EPHA5: variants seen among roughly 807,000 people sequenced by gnomAD.
EPHA5 encodes ephrin type-A receptor 5.
A neutral mutation model predicts 105.0 loss-of-function variants in EPHA5; 60 were observed. That is an observed-to-expected ratio of 0.57 (90% CI 0.46 to 0.71). The LOEUF is 0.71. Among genes scored for constraint, EPHA5 ranks in the 30% least tolerant of loss-of-function variants. The pLI, the probability that EPHA5 is intolerant of heterozygous loss-of-function variation, is 0.00. For synonymous variants in EPHA5, 513 were observed against 449.1 expected, an observed-to-expected ratio of 1.14 and a Z score of -1.80; for missense variants, 1,218 against 1,274.7, an observed-to-expected ratio of 0.96 and a Z score of 0.68.
intron 6 of EPHA5, among the ~76,000 whole-genome samples, chr4:65,417,340 G>A (rs1013079469): frequency 2.0e-5 from 3 of 152,056 alleles, no homozygotes; most frequent in Non-Finnish European, 4.4e-5. Context: ...AAACCTATCA[G>A]GACCCCTAAC....
intron 2 of EPHA5, among the ~76,000 whole-genome samples, chr4:65,628,570 G>A (rs1245973421): frequency 1.3e-5 from 2 of 151,948 alleles, no homozygotes; most frequent in South Asian, 2.1e-4. Context: ...AAAAATAAAC[G>A]TTATAAGATG....
At chr4:65,344,016 G>A (rs73822115) in intron 14 of EPHA5, among the ~76,000 whole-genome samples, 2,541 of 152,074 alleles carry the variant, frequency 0.017, 73 homozygotes, top group African/African-American at 0.058. Flanking sequence ...AAATCACAAA[G>A]AAAGTACTAT....
intron 3 of EPHA5, among the ~76,000 whole-genome samples, chr4:65,566,459 A>G (rs1739543502): frequency 6.6e-6 from 1 of 151,828 alleles, no homozygotes; most frequent in Non-Finnish European, 1.5e-5. Flanking sequence ...CAAGAAATAA[A>G]CTGTAATGCC....
chr4:65,323,893 T>G lies in EPHA5; in HGVS notation c.*221A>C. ...AGATGATGTCTAACTTCATGTCCCT[T>G]TTAATGCAAGATATGTTTGCTTCAT... is the stretch of plus-strand genomic sequence containing the variant. On this transcript the variant is annotated 3_prime_UTR_variant, in exon 17 of 17. Transcript: ENST00000613740. 2.6e-6 allele frequency: 1 copy of G among 391,378 alleles called. No individual in the cohort carries two copies. Among genetic ancestry groups the G allele is most frequent in the South Asian group, 4.4e-5 (1 of 22,738 alleles). The allele number at this position is 391,378 out of a possible 1,614,324, so 24.2% of individuals were successfully genotyped here.
At chr4:65,518,979 T>A (rs1734393881) in intron 3 of EPHA5, among the ~76,000 whole-genome samples, 1 of 152,044 alleles carries the variant, frequency 6.6e-6, no homozygotes, top group African/African-American at 2.4e-5. Flanking sequence ...GCCAGCATCA[T>A]CCTGATACCA....
chr4:65,543,660 T>C (rs541646494), intron 3 of EPHA5, among the ~76,000 whole-genome samples: 110 of 152,042 alleles, frequency 7.2e-4, no homozygotes, highest in African/African-American at 2.6e-3. Context: ...AAGTAATTTA[T>C]AGATTCAATG....
At chr4:65,408,148 A>G (rs1553910699) in intron 7 of EPHA5, among the ~76,000 whole-genome samples, 1 of 152,146 alleles carries the variant, frequency 6.6e-6, no homozygotes, top group Non-Finnish European at 1.5e-5. Context: ...TAATGATATC[A>G]TTAATTATAT....
chr4:65,609,864 A>T (rs2149455459), intron 2 of EPHA5, among the ~76,000 whole-genome samples: 1 of 152,212 alleles, frequency 6.6e-6, no homozygotes, highest in East Asian at 1.9e-4. Context: ...TAATATGCAA[A>T]CAAAAAAAAC....
At chr4:65,373,528 A>G (rs1718695666) in intron 8 of EPHA5, among the ~76,000 whole-genome samples, 1 of 151,964 alleles carries the variant, frequency 6.6e-6, no homozygotes, top group South Asian at 2.1e-4. Flanking sequence ...AAAGGAAAAT[A>G]TATTTAAAAA....
intron 2 of EPHA5, among the ~76,000 whole-genome samples, chr4:65,637,803 C>A (rs923274644): frequency 6.6e-6 from 1 of 151,658 alleles, no homozygotes; most frequent in African/African-American, 2.4e-5. Context: ...AGTTATCCTT[C>A]CAATAAATAT....
intron 3 of EPHA5, among the ~76,000 whole-genome samples, chr4:65,526,959 C>T (rs1367821365): frequency 3.3e-5 from 5 of 151,900 alleles, no homozygotes; most frequent in Middle Eastern, 3.2e-3. Context: ...TAAAAGAGAT[C>T]CTCATTCTTT....
At chr4:65,663,430 T>G (rs192526766) in intron 1 of EPHA5, among the ~76,000 whole-genome samples, 54 of 152,048 alleles carry the variant, frequency 3.6e-4, no homozygotes, top group African/African-American at 1.1e-3. Context: ...AGATTCTCAT[T>G]AGGGATACTG....
intron 3 of EPHA5, among the ~76,000 whole-genome samples, chr4:65,574,677 T>TAC (rs1230164783): frequency 0.33 from 9,456 of 28,416 alleles, 1,241 homozygotes; most frequent in Non-Finnish European, 0.42. Context: ...CACATATATA[T>TAC]ACATATATAT....
chr4:65,365,217 G>GA lies in EPHA5; in HGVS notation c.1988-16dup, dbSNP rs770722514. On this transcript the variant is annotated splice_polypyrimidine_tract_variant and intron_variant, in intron 10 of 16. Coordinates refer to ENST00000613740, the MANE Select transcript of EPHA5 (RefSeq NM_001281766.3). The stretch of plus-strand genomic sequence containing the variant: ...ACCAAATTCACCTTGTGATAAAGAT[G>GA]AAAAAAATGCAAAAACTCATTTGAA... The GA allele has an allele frequency of 5.0e-6, 8 of 1,600,312 alleles. No homozygotes were observed. The highest frequency in any genetic ancestry group is 2.7e-5 in the African/African-American group (2 of 74,002).
chr4:65,464,888 A>G (rs1342566666), intron 5 of EPHA5, among the ~76,000 whole-genome samples: 1 of 152,116 alleles, frequency 6.6e-6, no homozygotes, highest in East Asian at 1.9e-4. Flanking sequence ...TAAAATATTT[A>G]TAAATACCTA....
chr4:65,616,097 C>T (rs1745213537), intron 2 of EPHA5, among the ~76,000 whole-genome samples: 1 of 151,792 alleles, frequency 6.6e-6, no homozygotes, highest in Admixed American at 6.6e-5. Context: ...TGGAATACGA[C>T]TCAACAATAA....
At chr4:65,584,613 T>C (rs898726956) in intron 3 of EPHA5, among the ~76,000 whole-genome samples, 3 of 151,958 alleles carry the variant, frequency 2.0e-5, no homozygotes, top group African/African-American at 7.2e-5. Flanking sequence ...GAAAAGTGTC[T>C]CTAATACCTT....
At chr4:65,534,241 T>G (rs1196551502) in intron 3 of EPHA5, among the ~76,000 whole-genome samples, 2 of 152,144 alleles carry the variant, frequency 1.3e-5, no homozygotes, top group African/African-American at 4.8e-5. Flanking sequence ...TTTACACTTA[T>G]AAACTTTTAA....
chr4:65,343,688 G>C (rs1721949477), intron 14 of EPHA5, among the ~76,000 whole-genome samples: 1 of 152,140 alleles, frequency 6.6e-6, no homozygotes, highest in African/African-American at 2.4e-5. Context: ...ATTTAATGCT[G>C]TATCTGAAAA....
Sources: allele counts gnomAD v4.1 joint callset (sites outside exome capture counted in the v4.1 genomes callset), GRCh38; gene constraint gnomAD v4.1.1; transcripts MANE v1.5; gene names NCBI Gene and HGNC (gene_info 2026-07-23, HGNC 2026-07-21).